MEIOC: variants seen among roughly 807,000 people sequenced by gnomAD.
The protein encoded by MEIOC is meiosis-specific coiled-coil domain-containing protein MEIOC.
MEIOC carries 9 observed loss-of-function variants against 85.3 expected under a neutral mutation model. The ratio of observed to expected loss-of-function variants is 0.11; its 90% CI spans 0.06 to 0.18. The LOEUF is 0.18. Ranked by LOEUF, MEIOC falls within the 10% of genes least tolerant of loss-of-function variation. The pLI is 1.00. For synonymous variants in MEIOC, 365 were observed against 393.7 expected (o/e 0.93, Z 0.86); for missense variants, 898 against 1,129.4 (o/e 0.80, Z 2.94).
rs1322176781 is a variant in MEIOC at position 44,666,753 on chromosome 17, A to G, written c.842A>G (p.Lys281Arg). The change falls in exon 5 of 8, where the codon AAA becomes AGA. Residue 281 changes from lysine (K) to arginine (R), a missense_variant. Lys to Arg is a conservative substitution (Grantham distance 26). Coordinates refer to ENST00000409122, the MANE Select transcript of MEIOC (RefSeq NM_001145080.3). ...CAAACTGGTCTGTCTGATATCATGA[A>G]AGAATCAGGAGTTGATATCTACCAT... ...TPQTGLSDIM[K>R]ESGVDIYHYG... is the part of the protein sequence containing the mutation. 6.2e-7 allele frequency: 1 copy of G among 1,613,450 alleles called. No homozygotes were observed. The highest frequency in any genetic ancestry group is 1.3e-5 in the African/African-American group (1 of 74,938).
At chr17:44,669,209 A>C (rs1971961365) in intron 5 of MEIOC, among the ~76,000 whole-genome samples, 174 bp from the exon 6 acceptor site, 1 of 152,148 alleles carries the variant, frequency 6.6e-6, no homozygotes, top group South Asian at 2.1e-4. Flanking sequence ...TCTGAAAAAA[A>C]AAAGATAGAA....
intron 2 of MEIOC, among the ~76,000 whole-genome samples, chr17:44,661,708 C>T (rs1472593080): frequency 1.3e-5 from 2 of 151,974 alleles, no homozygotes; most frequent in African/African-American, 4.8e-5. Context: ...CCCATCACCA[C>T]CACAGCTGGC....
chr17:44,672,402 G>A (rs912136411), intron 6 of MEIOC, among the ~76,000 whole-genome samples: 3 of 152,148 alleles, frequency 2.0e-5, no homozygotes, highest in African/African-American at 7.2e-5. Context: ...GAAGGATCTG[G>A]CTGATACACA....
At chr17:44,660,579 A>G (rs530800554) in intron 2 of MEIOC, among the ~76,000 whole-genome samples, 20 of 152,206 alleles carry the variant, frequency 1.3e-4, no homozygotes, top group African/African-American at 4.8e-4. Flanking sequence ...TACTATTTTC[A>G]TTGTGTTTAT....
chr17:44,669,977 A>G (rs1337221791), intron 6 of MEIOC: 2 of 154,488 alleles, frequency 1.3e-5, no homozygotes, highest in Non-Finnish European at 2.9e-5. Flanking sequence ...GAACTATAAT[A>G]TTTAGGAAAG....
Position 44,673,416 on chromosome 17 carries a change from T to C in MEIOC, c.2508T>C (p.His836=), listed in dbSNP as rs1394283649. The C allele has an allele frequency of 1.3e-6, 2 of 1,550,218 alleles. No homozygotes were observed. Among genetic ancestry groups the C allele is most frequent in the Non-Finnish European group, 1.7e-6 (2 of 1,146,680 alleles). The change falls in exon 7 of 8, where the codon CAT becomes CAC. Residue 836 remains histidine (H), a synonymous_variant. Transcript: ENST00000409122. ...KMERLRSSLL[H]ASISTALDRH... ...AACGTCTTCGGAGTTCTCTTCTTCA[T>C]GCCAGTATCTCTACTGCTCTTGATA...
Position 44,674,795 on chromosome 17 carries a change from G to A in MEIOC, c.*599G>A. The A allele has an allele frequency of 1.0e-6, 1 of 983,632 alleles. No individual in the cohort carries two copies. Among genetic ancestry groups the A allele is most frequent in the Non-Finnish European group, 1.2e-6 (1 of 828,314 alleles). 60.9% of individuals were successfully genotyped at this position (983,632 alleles called of 1,614,324 possible). A position where few individuals can be genotyped will look rare whatever the true frequency, so the allele number is the denominator to read the frequency against. ...AATGCCTAGGTATATGGAGGGAAAT[G>A]CATCTGATTCTCCTAAATTAATGAT... is the stretch of plus-strand genomic sequence containing the variant. On this transcript the variant is annotated 3_prime_UTR_variant, in exon 8 of 8. Transcript: ENST00000409122.
In MEIOC at chr17:44,667,327, T is replaced by G; in HGVS notation, c.1416T>G (p.Asn472Lys). The G allele has an allele frequency of 6.2e-7, 1 of 1,613,862 alleles. No homozygotes were observed. Among genetic ancestry groups the G allele is most frequent in the Non-Finnish European group, 8.5e-7 (1 of 1,179,838 alleles). ...SNSATSSGGI[N>K]LNRPTWMNVQ... ...CAGCAACATCTTCAGGAGGTATCAA[T>G]TTAAACAGACCAACTTGGATGAATG... is the stretch of plus-strand genomic sequence containing the variant. Residue 472 changes from asparagine to lysine, a missense_variant, in exon 5 of 8, where the codon AAT becomes AAG. Physicochemically the swap from Asn to Lys is moderately conservative, Grantham distance 94 (BLOSUM62 0). Coordinates refer to ENST00000409122, the MANE Select transcript of MEIOC (RefSeq NM_001145080.3).
Position 44,667,729 on chromosome 17 carries a change from T to C in MEIOC, c.1818T>C (p.His606=). The C allele has an allele frequency of 2.5e-6, 4 of 1,613,724 alleles. No homozygotes were observed. Among genetic ancestry groups the C allele is most frequent in the Non-Finnish European group, 3.4e-6 (4 of 1,179,784 alleles). ...GGATAATTGAAAATGTAAACAAACA[T>C]AATTTTCAAGCCAAGCCCCAGAGTG... ...KYGIIENVNK[H]NFQAKPQSGH... The change falls in exon 5 of 8, where the codon CAT becomes CAC. Residue 606 remains histidine, a synonymous_variant. Coordinates refer to ENST00000409122, the MANE Select transcript of MEIOC (RefSeq NM_001145080.3).
chr17:44,663,032 A>T (rs1315157926), intron 3 of MEIOC, among the ~76,000 whole-genome samples: 1 of 152,180 alleles, frequency 6.6e-6, no homozygotes, highest in African/African-American at 2.4e-5. Context: ...CTTCTTTCTA[A>T]AGATGACTTA....
chr17:44,666,944 T>C lies in MEIOC; in HGVS notation c.1033T>C (p.Phe345Leu). 6.2e-7 allele frequency: 1 copy of C among 1,610,992 alleles called. No homozygotes were observed. The highest frequency in any genetic ancestry group is 8.5e-7 in the Non-Finnish European group (1 of 1,178,330). ...NKAKLNKCSN[F>L]SVQDSKKLAN... is the part of the protein sequence containing the mutation. ...GGCTAAGCTTAATAAATGTTCAAAT[T>C]TTAGTGTCCAAGATAGCAAAAAATT... Residue 345 changes from phenylalanine (F) to leucine (L), a missense_variant, in exon 5 of 8, where the codon TTT (phenylalanine) becomes CTT (leucine). Physicochemically the swap from Phe to Leu is conservative, Grantham distance 22 (BLOSUM62 0). This residue lies in a region of MEIOC where 734 missense variants were observed against 860.1 expected (regional missense o/e 0.85). Coordinates refer to ENST00000409122, the MANE Select transcript of MEIOC (RefSeq NM_001145080.3).
intron 6 of MEIOC, among the ~76,000 whole-genome samples, chr17:44,671,632 C>T (rs996527777): frequency 3.3e-5 from 5 of 150,252 alleles, no homozygotes; most frequent in African/African-American, 1.0e-4. Flanking sequence ...TTTCGCCGGG[C>T]GTGGTGGTTC....
At position 44,667,759 on chromosome 17, in the gene MEIOC, T is replaced by C. The variant is rs1206497127; in HGVS notation, c.1848T>C (p.His616=). 6.2e-7 allele frequency: 1 copy of C among 1,613,774 alleles called. No individual in the cohort carries two copies. The highest frequency in any genetic ancestry group is 1.7e-5 in the Admixed American group (1 of 59,988). ...HNFQAKPQSG[H]YDPEEGPKHL... Reference sequence around the variant, plus strand: ...TTCAAGCCAAGCCCCAGAGTGGACATTATGATCCTGAGGAAGGTCCAAAGC... The same window carrying C: ...TTCAAGCCAAGCCCCAGAGTGGACACTATGATCCTGAGGAAGGTCCAAAGC... The change falls in exon 5 of 8, where the codon CAT becomes CAC. Residue 616 remains histidine (H), a synonymous_variant. Transcript: ENST00000409122.
Position 44,667,910 on chromosome 17 carries a change from A to C in MEIOC, c.1999A>C (p.Asn667His). The C allele has an allele frequency of 6.2e-7, 1 of 1,613,852 alleles. No individual in the cohort carries two copies. Among genetic ancestry groups the C allele is most frequent in the Non-Finnish European group, 8.5e-7 (1 of 1,179,800 alleles). ...TCGCACACAAGTGTCATGCTTTTCT[A>C]ATAATTATATGATGGGAGATTTAAG... is the stretch of plus-strand genomic sequence containing the variant. ...VNRTQVSCFS[N>H]NYMMGDLRHN... The change falls in exon 5 of 8, where the codon AAT becomes CAT. Residue 667 changes from asparagine (N) to histidine (H), a missense_variant. Asn to His is a moderately conservative substitution (Grantham distance 68). Transcript: ENST00000409122.
At chr17:44,657,527 C>G (rs1971781247) in intron 2 of MEIOC, among the ~76,000 whole-genome samples, 1 of 151,562 alleles carries the variant, frequency 6.6e-6, no homozygotes, top group African/African-American at 2.4e-5. Flanking sequence ...CGCCACCACG[C>G]CCGGCTGTTT....
rs1972067091 is a variant in MEIOC at position 44,675,724 on chromosome 17, GAC to G, written c.*1530_*1531del. The G allele has an allele frequency of 1.0e-6, 1 of 977,190 alleles. No individual in the cohort carries two copies. The allele number at this position is 977,190 out of a possible 1,614,324, so 60.5% of individuals were successfully genotyped here. On this transcript the variant is annotated 3_prime_UTR_variant, in exon 8 of 8. Transcript: ENST00000409122. ...TAGAAAGTGGTTAAGTTTAACATAA[GAC>G]ATGTTGGATGTTATAAAAACAAATA...
chr17:44,668,702 A>C (rs1971951138), intron 5 of MEIOC, among the ~76,000 whole-genome samples: 1 of 152,186 alleles, frequency 6.6e-6, no homozygotes, highest in Admixed American at 6.5e-5. Context: ...GTAAGGAATT[A>C]AGTGGGTTAC....
rs545961771 is a variant in MEIOC, at chr17:44,658,792, CAAAAAAA to C, written c.204+1541_204+1547del. Among the ~76,000 whole-genome samples, 143 of 70,908 alleles carry C rather than the reference CAAAAAAA, an allele frequency of 2.0e-3. 1 individual carries two copies. The highest frequency in any genetic ancestry group is 3.5e-3 in the Admixed American group (23 of 6,640). 46.5% of individuals were successfully genotyped at this position (70,908 alleles called of 152,430 possible). A position where few individuals can be genotyped will look rare whatever the true frequency, so the allele number is the denominator to read the frequency against. ...TGGGTGACAGAGTGAGACTCCCTCTCAAAAAAAAAAAAAAAAGAAAAAAGAAAACAAA... is the reference window on the plus strand; with the variant it reads ...TGGGTGACAGAGTGAGACTCCCTCTCAAAAAAAAAGAAAAAAGAAAACAAA... On this transcript the variant is annotated intron_variant, in intron 2 of 7. Transcript: ENST00000409122.
intron 3 of MEIOC, among the ~76,000 whole-genome samples, chr17:44,663,511 C>T (rs149046208): frequency 6.2e-4 from 94 of 152,152 alleles, no homozygotes; most frequent in African/African-American, 2.0e-3. Context: ...AGAAAGTCTA[C>T]GTAATACATA....
Sources: allele counts gnomAD v4.1 joint callset (sites outside exome capture counted in the v4.1 genomes callset), GRCh38; gene constraint gnomAD v4.1.1; regional missense constraint gnomAD v4.1.1; transcripts MANE v1.5; gene names NCBI Gene and HGNC (gene_info 2026-07-23, HGNC 2026-07-21).